SPTLC1: variants seen among roughly 807,000 people sequenced by gnomAD.
The protein encoded by SPTLC1 is serine palmitoyltransferase 1.
SPTLC1 carries 55 observed loss-of-function variants against 68.9 expected under a neutral mutation model. The ratio of observed to expected loss-of-function variants is 0.80; its 90% CI spans 0.64 to 1.00. The LOEUF is 1.00. Ranked by LOEUF, SPTLC1 falls within the 50% of genes least tolerant of loss-of-function variation. The pLI is 0.00. For synonymous variants in SPTLC1, 197 were observed against 201.6 expected, an observed-to-expected ratio of 0.98 and a Z score of 0.19; for missense variants, 449 against 573.1, an observed-to-expected ratio of 0.78 and a Z score of 2.21.
chr9:92,080,741 T>G, intron 4 of SPTLC1, 129 bp downstream of exon 4: 1 of 745,992 alleles, frequency 1.3e-6, no homozygotes, highest in Non-Finnish European at 2.4e-6. Context: ...GGTTTCACCA[T>G]GTTGGCCAGG....
At chr9:92,049,000 T>C (rs1369029266) in intron 9 of SPTLC1, among the ~76,000 whole-genome samples, 1 of 152,202 alleles carries the variant, frequency 6.6e-6, no homozygotes, top group Admixed American at 6.5e-5. Flanking sequence ...TTTTCATGCC[T>C]TAAAAAAGGC....
chr9:92,113,490 C>A (rs957854972), intron 1 of SPTLC1, among the ~76,000 whole-genome samples: 9 of 152,194 alleles, frequency 5.9e-5, no homozygotes, highest in Non-Finnish European at 1.3e-4. Context: ...ATGTTACATA[C>A]AGGAGTTCTC....
intron 3 of SPTLC1, among the ~76,000 whole-genome samples, chr9:92,105,747 T>C (rs1416686019): frequency 7.1e-5 from 9 of 127,652 alleles, no homozygotes; most frequent in African/African-American, 8.9e-5. Context: ...AAGTGAGGAG[T>C]GCCTCTGCCC....
chr9:92,072,835 T>A (rs1834547056), intron 5 of SPTLC1, among the ~76,000 whole-genome samples: 2 of 152,124 alleles, frequency 1.3e-5, no homozygotes, highest in Non-Finnish European at 2.9e-5. Context: ...GATCTCTCCC[T>A]AGTCTCTGCT....
chr9:92,064,228 G>T (rs1166492467), intron 6 of SPTLC1, among the ~76,000 whole-genome samples: 2 of 151,870 alleles, frequency 1.3e-5, no homozygotes, highest in Admixed American at 6.6e-5. Flanking sequence ...ATCAAAATTT[G>T]TATTTGCAAA....
intron 5 of SPTLC1, chr9:92,079,345 G>T: frequency 7.2e-7 from 1 of 1,382,716 alleles, no homozygotes; most frequent in Non-Finnish European, 9.5e-7. Flanking sequence ...GAAAGTGCTG[G>T]GATTACAGGC....
At position 92,051,794 on chromosome 9, in the gene SPTLC1, T is replaced by C. The variant is rs1363209648; in HGVS notation, c.781-1727A>G. Among the ~76,000 whole-genome samples the C allele has an allele frequency of 2.0e-5, 3 of 152,264 alleles. No individual in the cohort carries two copies. The East Asian group carries it at 5.8e-4, about 29-fold the overall frequency. On this transcript the variant is annotated intron_variant, in intron 8 of 14. Transcript: ENST00000262554. ...TGCAAAAGCAATACACAAATATCTG[T>C]TGTATTTCTATAAATAGCAGTAAAC...
At chr9:92,096,572 A>G (rs79842074) in intron 3 of SPTLC1, among the ~76,000 whole-genome samples, 3,082 of 152,328 alleles carry the variant, frequency 0.02, 71 homozygotes, top group South Asian at 0.081. Context: ...GATTTTCAAC[A>G]AGACAACTCA....
chr9:92,069,709 C>T (rs1218341053), intron 5 of SPTLC1, among the ~76,000 whole-genome samples: 2 of 152,188 alleles, frequency 1.3e-5, no homozygotes, highest in African/African-American at 2.4e-5. Context: ...CCACCTCTCA[C>T]GTTCCCAGGT....
chr9:92,080,410 G>A (rs370987200), intron 4 of SPTLC1, among the ~76,000 whole-genome samples: 2 of 152,212 alleles, frequency 1.3e-5, no homozygotes, highest in Admixed American at 6.5e-5. Context: ...GGCCTGTTCA[G>A]TTCTGTGGTT....
intron 3 of SPTLC1, among the ~76,000 whole-genome samples, chr9:92,105,925 T>TG (rs1835959430): frequency 7.2e-6 from 1 of 139,688 alleles, no homozygotes; most frequent in African/African-American, 2.7e-5. Context: ...CCCGGCCTCC[T>TG]CACCATCTGG....
At chr9:92,041,061 G>A (rs1833334787) in intron 12 of SPTLC1, among the ~76,000 whole-genome samples, 1 of 152,158 alleles carries the variant, frequency 6.6e-6, no homozygotes, top group Non-Finnish European at 1.5e-5. Flanking sequence ...CTAGCTCCCA[G>A]GGACAGAGCA....
chr9:92,093,484 C>A (rs1835437023), intron 3 of SPTLC1, among the ~76,000 whole-genome samples: 1 of 152,088 alleles, frequency 6.6e-6, no homozygotes. Flanking sequence ...CACACACACA[C>A]GTCTGAGAAG....
chr9:92,084,589 G>C (rs936283020), intron 3 of SPTLC1, among the ~76,000 whole-genome samples: 5 of 152,096 alleles, frequency 3.3e-5, no homozygotes, highest in Admixed American at 2.0e-4. Context: ...CAGGGATGAA[G>C]CCCACTTGAT....
intron 3 of SPTLC1, among the ~76,000 whole-genome samples, chr9:92,099,203 T>C (rs577727998): frequency 1.3e-5 from 2 of 152,338 alleles, no homozygotes; most frequent in East Asian, 1.9e-4. Context: ...TGGGGTCCTG[T>C]TAGGGGCACC....
chr9:92,049,263 G>A (rs4498616), intron 9 of SPTLC1, among the ~76,000 whole-genome samples: 16,423 of 152,140 alleles, frequency 0.11, 1,919 homozygotes, highest in African/African-American at 0.3. Flanking sequence ...GCTCTTATGC[G>A]CATGTTTTGG....
At chr9:92,069,308 AAT>A (rs1435847305) in intron 5 of SPTLC1, among the ~76,000 whole-genome samples, 1 of 152,248 alleles carries the variant, frequency 6.6e-6, no homozygotes, top group Non-Finnish European at 1.5e-5. Flanking sequence ...ATAGTGATAA[AAT>A]ATGAGGCATG....
At chr9:92,105,397 G>A in intron 3 of SPTLC1, 1 of 1,490,966 alleles carries the variant, frequency 6.7e-7, no homozygotes, top group Non-Finnish European at 9.0e-7. Flanking sequence ...TAAGAGAGCT[G>A]CTTAGGAGGA....
intron 3 of SPTLC1, among the ~76,000 whole-genome samples, chr9:92,094,870 G>A (rs1835477925): frequency 6.6e-6 from 1 of 152,090 alleles, no homozygotes; most frequent in Admixed American, 6.6e-5. Flanking sequence ...CAGTAAGCCC[G>A]CCACCACGAA....
Sources: allele counts gnomAD v4.1 joint callset (sites outside exome capture counted in the v4.1 genomes callset), GRCh38; gene constraint gnomAD v4.1.1; transcripts MANE v1.5; gene names NCBI Gene and HGNC (gene_info 2026-07-23, HGNC 2026-07-21).